The following SERPINB4 variants were observed in gnomAD, a reference collection of about 807,000 sequenced individuals.
SERPINB4 encodes the protein serpin family B member 4.
In SERPINB4, 39 loss-of-function variants were observed where a neutral mutation model predicts 33.2. That is an observed-to-expected ratio of 1.18 (90% CI 0.91 to 1.53). SERPINB4 has a LOEUF of 1.53. Ranked by LOEUF, SERPINB4 falls within the 40% of genes most tolerant of loss-of-function variation. The probability of loss-of-function intolerance (pLI) is 0.00; values close to 1 mark genes in which losing one functional copy is unlikely to be tolerated. For missense variants in SERPINB4, 564 were observed against 455.4 expected (o/e 1.24, Z -2.17); for synonymous variants, 191 against 166.4 (o/e 1.15, Z -1.14).
rs1332672384 is a variant in SERPINB4, at chr18:63,637,597, A to T, written c.*122T>A. 2.1e-6 allele frequency: 2 copies of T among 975,482 alleles called. No individual in the cohort carries two copies. The highest frequency in any genetic ancestry group is 4.9e-5 in the East Asian group (2 of 40,748). The allele number at this position is 975,482 out of a possible 1,614,324, so 60.4% of individuals were successfully genotyped here. A position where few individuals can be genotyped will look rare whatever the true frequency, so the allele number is the denominator to read the frequency against. ...AATCATTAAATTCTTGATGATGACT[A>T]TCATCATCAAGATGAGATAGAAAAG... On this transcript the variant is annotated 3_prime_UTR_variant, in exon 8 of 8. Coordinates refer to ENST00000341074, the MANE Select transcript of SERPINB4 (RefSeq NM_002974.4).
intron 5 of SERPINB4, 80 bp downstream of exon 5, chr18:63,640,794 G>C: frequency 8.3e-7 from 1 of 1,208,480 alleles, no homozygotes; most frequent in East Asian, 2.3e-5. Context: ...CCCCACACCT[G>C]TTCCCCCATG....
rs2144465451 is a variant in SERPINB4, at chr18:63,639,249, G to A, written c.704C>T (p.Pro235Leu). Reference protein sequence around the residue: ...EDVQAKVLEIPYKGKDLSMIV... With the variant: ...EDVQAKVLEILYKGKDLSMIV... ...CATGCTTAGATCTTTGCCTTTGTAT[G>A]GTATTTCCAGGACCTTGGCCTGTAC... Residue 235 changes from proline to leucine, a missense_variant, in exon 7 of 8, where the codon CCA becomes CTA. By Grantham distance (98) the Pro-to-Leu change is moderately conservative. Coordinates refer to ENST00000341074, the MANE Select transcript of SERPINB4 (RefSeq NM_002974.4). 4 of 1,612,656 alleles carry A rather than the reference G, an allele frequency of 2.5e-6. No homozygotes were observed. Among genetic ancestry groups the A allele is most frequent in the Non-Finnish European group, 3.4e-6 (4 of 1,179,132 alleles).
intron 4 of SERPINB4, 73 bp downstream of exon 4, chr18:63,641,687 T>C (rs1207109896): frequency 1.7e-5 from 27 of 1,610,332 alleles, no homozygotes; most frequent in Non-Finnish European, 2.2e-5. Context: ...CTGCCTTGCT[T>C]TCTTCCATTT....
Position 63,638,146 on chromosome 18 carries a change from C to G in SERPINB4, c.769-23G>C, listed in dbSNP as rs372958184. 43 of 1,602,886 alleles carry G rather than the reference C, an allele frequency of 2.7e-5. No individual in the cohort carries two copies. The African/African-American group carries it at 5.1e-4, about 19-fold the overall frequency. On this transcript the variant is annotated intron_variant, in intron 7 of 7. Coordinates refer to ENST00000341074, the MANE Select transcript of SERPINB4 (RefSeq NM_002974.4). ...AAGCTATACAAATGGAAAAAAGAAA[C>G]TGATATGACTAACTGTCGATCTCTA...
intron 3 of SERPINB4, 189 bp downstream of exon 3, chr18:63,642,968 ACTGT>A: frequency 3.0e-6 from 2 of 662,604 alleles, no homozygotes; most frequent in South Asian, 3.9e-5. Context: ...TACAGTGCTG[ACTGT>A]CTTTTAGTAA....
At chr18:63,640,258 CG>C (rs1436186202) in intron 5 of SERPINB4, among the ~76,000 whole-genome samples, 1 of 151,904 alleles carries the variant, frequency 6.6e-6, no homozygotes, top group African/African-American at 2.4e-5. Flanking sequence ...ACACTACTTC[CG>C]GGGGTATCTT....
chr18:63,641,179 G>T (rs1913118666), intron 4 of SERPINB4, among the ~76,000 whole-genome samples, 188 bp from the exon 5 acceptor site: 2 of 152,104 alleles, frequency 1.3e-5, no homozygotes, highest in South Asian at 4.1e-4. Context: ...GCTGGCACAA[G>T]AAAGAGGTCA....
intron 4 of SERPINB4, 107 bp downstream of exon 4, chr18:63,641,653 T>G (rs1913134285): frequency 6.4e-7 from 1 of 1,561,522 alleles, no homozygotes; most frequent in South Asian, 1.1e-5. Flanking sequence ...GTAAATGCTC[T>G]CCACCTGAGT....
At position 63,640,921 on chromosome 18, in the gene SERPINB4, T is replaced by A. The variant is rs201970247; in HGVS notation, c.422A>T (p.Glu141Val). 1.9e-6 allele frequency: 3 copies of A among 1,612,920 alleles called. No individual in the cohort carries two copies. The East Asian group carries it at 6.7e-5, about 36-fold the overall frequency. ...GGAGTTAATCTTCTTTCGACTTTCT[T>A]CTGGAGCATTTGCAAAATCAGTAGA... Reference protein sequence around the residue: ...VESTDFANAPEESRKKINSWV... With the variant: ...VESTDFANAPVESRKKINSWV... The change falls in exon 5 of 8, where the codon GAA (glutamate) becomes GTA (valine). Residue 141 changes from glutamate to valine, a missense_variant. Coordinates refer to ENST00000341074, the MANE Select transcript of SERPINB4 (RefSeq NM_002974.4).
Position 63,639,707 on chromosome 18 carries a change from A to C in SERPINB4, c.539T>G (p.Ile180Ser). ...NDTTLVLVNAIYFKGQWENKF... is the reference protein window; with the variant it reads ...NDTTLVLVNASYFKGQWENKF... ...ATTCTCCCACTGCCCTTTGAAATAG[A>C]TTGCGTTCACAAGAACCAGTGTCGT... The change falls in exon 6 of 8, where the codon ATC becomes AGC. Residue 180 changes from isoleucine (I) to serine (S), a missense_variant. Ile to Ser is a moderately radical substitution (Grantham distance 142). Coordinates refer to ENST00000341074, the MANE Select transcript of SERPINB4 (RefSeq NM_002974.4). 1.2e-6 allele frequency: 2 copies of C among 1,612,244 alleles called. No individual in the cohort carries two copies. Among genetic ancestry groups the C allele is most frequent in the Non-Finnish European group, 1.7e-6 (2 of 1,178,668 alleles).
rs551920052 is a variant in SERPINB4, at chr18:63,642,323, A to G, written c.223-435T>C. 1.2e-3 allele frequency among the ~76,000 whole-genome samples: 178 copies of G among 152,180 alleles called. 1 individual carries two copies. Among genetic ancestry groups the G allele is most frequent in the African/African-American group, 4.2e-3 (175 of 41,544 alleles). On this transcript the variant is annotated intron_variant, in intron 3 of 7. Transcript: ENST00000341074. ...AAGCCCTGTTATACCTGTTGGTGCTATTATCTTGTAGGACACATTGACTGA... is the reference window on the plus strand; with the variant it reads ...AAGCCCTGTTATACCTGTTGGTGCTGTTATCTTGTAGGACACATTGACTGA...
Position 63,639,709 on chromosome 18 carries a change from T to C in SERPINB4, c.537A>G (p.Ala179=), listed in dbSNP as rs200674442. 55 of 1,612,166 alleles carry C rather than the reference T, an allele frequency of 3.4e-5. No homozygotes were observed. The highest frequency in any genetic ancestry group is 2.1e-5 in the Non-Finnish European group (25 of 1,178,570). Residue 179 remains alanine, a synonymous_variant, in exon 6 of 8, where the codon GCA becomes GCG. Transcript: ENST00000341074. Reference sequence around the variant, plus strand: ...TCTCCCACTGCCCTTTGAAATAGATTGCGTTCACAAGAACCAGTGTCGTAT... The same window carrying C: ...TCTCCCACTGCCCTTTGAAATAGATCGCGTTCACAAGAACCAGTGTCGTAT... ...GNDTTLVLVN[A]IYFKGQWENK...
rs569810545 is a variant in SERPINB4, at chr18:63,638,539, A to G, written c.769-416T>C. 6.7e-4 allele frequency among the ~76,000 whole-genome samples: 102 copies of G among 152,094 alleles called. 1 individual carries two copies. The highest frequency in any genetic ancestry group is 2.2e-3 in the African/African-American group (93 of 41,508). ...TTTCTGTATACATTATTTAGTACAC[A>G]TTGCAATTATTAAATTGTAATTCCC... On this transcript the variant is annotated intron_variant, in intron 7 of 7. Transcript: ENST00000341074.
In SERPINB4 at chr18:63,642,382, G is replaced by A. The variant is rs558727147; in HGVS notation, c.223-494C>T. ...TCTTTCCTCATGATGGTCATTCTCTGCACGTAAGAAGAGTGTATGCCAGGT... is the reference window on the plus strand; with the variant it reads ...TCTTTCCTCATGATGGTCATTCTCTACACGTAAGAAGAGTGTATGCCAGGT... On this transcript the variant is annotated intron_variant, in intron 3 of 7. Coordinates refer to ENST00000341074, the MANE Select transcript of SERPINB4 (RefSeq NM_002974.4). Among the ~76,000 whole-genome samples, 3 of 152,180 alleles carry A rather than the reference G, an allele frequency of 2.0e-5. No homozygotes were observed. In the East Asian group the frequency reaches 5.8e-4, roughly 29 times the overall value.
chr18:63,640,972 T>C lies in SERPINB4; in HGVS notation c.371A>G (p.Lys124Arg). 6.2e-7 allele frequency: 1 copy of C among 1,612,766 alleles called. No individual in the cohort carries two copies. The highest frequency in any genetic ancestry group is 1.7e-4 in the Middle Eastern group (1 of 6,048). The change falls in exon 5 of 8, where the codon AAG becomes AGG. Residue 124 changes from lysine (K) to arginine (R), a missense_variant. Coordinates refer to ENST00000341074, the MANE Select transcript of SERPINB4 (RefSeq NM_002974.4). ...TTCCACACTGGTCTGGTAAAATTTC[T>C]TGATGGCATCTAAATATTCCTTTGA... ...QFLQEYLDAI[K>R]KFYQTSVEST...
At chr18:63,643,773 A>C (rs2035291909) in intron 1 of SERPINB4, among the ~76,000 whole-genome samples, 170 bp from the exon 2 acceptor site, 1 of 152,174 alleles carries the variant, frequency 6.6e-6, no homozygotes, top group Non-Finnish European at 1.5e-5. Context: ...TATTAAATAT[A>C]TTAATGTCCT....
chr18:63,638,087 A>G lies in SERPINB4; in HGVS notation c.805T>C (p.Trp269Arg). 1 of 1,613,316 alleles carries G rather than the reference A, an allele frequency of 6.2e-7. No individual in the cohort carries two copies. The highest frequency in any genetic ancestry group is 1.3e-5 in the African/African-American group (1 of 74,980). Reference protein sequence around the residue: ...EKLTAEKLMEWTSLQNMRETC... With the variant: ...EKLTAEKLMERTSLQNMRETC... The stretch of plus-strand genomic sequence containing the variant: ...TCTCTCATATTCTGCAAACTTGTCC[A>G]TTCCATCAATTTCTCAGCAGTGAGT... The change falls in exon 8 of 8, where the codon TGG becomes CGG. Residue 269 changes from tryptophan to arginine, a missense_variant. By Grantham distance (101) the Trp-to-Arg change is moderately radical. Transcript: ENST00000341074.
rs1454931683 is a variant in SERPINB4, at chr18:63,638,817, G to A, written c.768+368C>T. 8.5e-5 allele frequency among the ~76,000 whole-genome samples: 9 copies of A among 106,146 alleles called. No homozygotes were observed. In the Admixed American group the frequency reaches 1.0e-3, roughly 12 times the overall value. 69.6% of individuals were successfully genotyped at this position (106,146 alleles called of 152,430 possible). A position where few individuals can be genotyped will look rare whatever the true frequency, so the allele number is the denominator to read the frequency against. On this transcript the variant is annotated intron_variant, in intron 7 of 7. Transcript: ENST00000341074. ...CACACTCTGAGGACTGTTGTGGGGTGGGGGGAGGGGGGAGGGATAGCATTA... is the reference window on the plus strand; with the variant it reads ...CACACTCTGAGGACTGTTGTGGGGTAGGGGGAGGGGGGAGGGATAGCATTA...
chr18:63,639,755 G>A lies in SERPINB4; in HGVS notation c.491C>T (p.Pro164Leu). 3 of 1,610,168 alleles carry A rather than the reference G, an allele frequency of 1.9e-6. No individual in the cohort carries two copies. The highest frequency in any genetic ancestry group is 1.7e-5 in the Admixed American group (1 of 59,420). ...QTNEKIKNLF[P>L]DGTIGNDTTL... ...CGTATCATTGCCAATAGTCCCATCAGGAAATAGGTTTTTAATTTTTTCTGC... is the reference window on the plus strand; with the variant it reads ...CGTATCATTGCCAATAGTCCCATCAAGAAATAGGTTTTTAATTTTTTCTGC... Residue 164 changes from proline to leucine, a missense_variant, in exon 6 of 8, where the codon CCT becomes CTT. Coordinates refer to ENST00000341074, the MANE Select transcript of SERPINB4 (RefSeq NM_002974.4).
Sources: gnomAD v4.1 joint callset for allele counts (sites outside exome capture counted in the v4.1 genomes callset) on GRCh38, gnomAD v4.1.1 for gene constraint, MANE v1.5 for transcripts, NCBI Gene and HGNC (gene_info 2026-07-23, HGNC 2026-07-21) for gene names.